The following C12orf56 variants were observed in gnomAD, a reference collection of about 807,000 sequenced individuals.
C12orf56 encodes the protein uncharacterized protein C12orf56.
In C12orf56, 71 loss-of-function variants were observed where a neutral mutation model predicts 69.9. That is an observed-to-expected ratio of 1.02 (90% CI 0.84 to 1.24). C12orf56 has a LOEUF of 1.24. Ranked by LOEUF, C12orf56 falls within the 50% of genes most tolerant of loss-of-function variation. The pLI, the probability that C12orf56 is intolerant of heterozygous loss-of-function variation, is 0.00. For synonymous variants in C12orf56, 276 were observed against 274.1 expected (o/e 1.01, Z -0.07); for missense variants, 732 against 738.5 (o/e 0.99, Z 0.10).
intron 3 of C12orf56, among the ~76,000 whole-genome samples, chr12:64,325,037 G>T (rs905919740): frequency 4.6e-5 from 7 of 152,122 alleles, no homozygotes; most frequent in African/African-American, 1.7e-4. Context: ...GGATTCCATA[G>T]CCTGGAGTAG....
At chr12:64,379,727 T>C (rs1276091157) in intron 1 of C12orf56, among the ~76,000 whole-genome samples, 3 of 151,610 alleles carry the variant, frequency 2.0e-5, no homozygotes, top group Non-Finnish European at 4.4e-5. Flanking sequence ...AGAAGAAAGC[T>C]GGAAAAGAAA....
intron 1 of C12orf56, among the ~76,000 whole-genome samples, chr12:64,368,054 C>T (rs1267690278): frequency 6.6e-6 from 1 of 151,610 alleles, no homozygotes; most frequent in African/African-American, 2.4e-5. Context: ...TTGATCCACC[C>T]GCCTCAGCCT....
intron 5 of C12orf56, among the ~76,000 whole-genome samples, chr12:64,308,967 G>GAAAGAAAGAAAGAAAGAAAGA (rs1565749107): frequency 8.5e-6 from 1 of 117,296 alleles, no homozygotes; most frequent in African/African-American, 3.2e-5. Context: ...AAGAAAGAAA[G>GAAAGAAAGAAAGAAAGAAAGA]AAAGAAAAGA....
At position 64,328,706 on chromosome 12, in the gene C12orf56, AATATATATATATATATAT is replaced by A. The variant is rs138783628; in HGVS notation, c.488+2236_488+2253del. Among the ~76,000 whole-genome samples the A allele has an allele frequency of 6.2e-3, 94 of 15,108 alleles. 9 individuals carry two copies. In the South Asian group the frequency reaches 0.086, roughly 14 times the overall value. The allele number at this position is 15,108 out of a possible 152,430, so 9.9% of individuals were successfully genotyped here. On this transcript the variant is annotated intron_variant, in intron 3 of 12. Transcript: ENST00000543942. ...AAAAAAAAAAAAAAAAAAAAAAAAA[AATATATATATATATATAT>A]ATATATATATATAGTATCACACTTT...
In C12orf56 at chr12:64,277,754, G is replaced by T. The variant is rs781683024; in HGVS notation, c.1360C>A (p.Pro454Thr). ...LVILISEPQI[P>T]KSCPVFDIQL... ...ATATCAAACACAGGACAAGATTTTG[G>T]AATCTGAGGCTCACTAATTAAAATT... Residue 454 changes from proline to threonine, a missense_variant, in exon 9 of 13, where the codon CCA becomes ACA. Coordinates refer to ENST00000543942, the MANE Select transcript of C12orf56 (RefSeq NM_001170633.2). The T allele has an allele frequency of 1.2e-5, 19 of 1,601,880 alleles. No homozygotes were observed. The highest frequency in any genetic ancestry group is 1.4e-5 in the Non-Finnish European group (17 of 1,172,974).
chr12:64,364,333 T>G (rs2039437473), intron 1 of C12orf56, among the ~76,000 whole-genome samples: 1 of 152,164 alleles, frequency 6.6e-6, no homozygotes, highest in African/African-American at 2.4e-5. Context: ...AAAAGTGTTT[T>G]TGCATGTCTG....
Position 64,274,892 on chromosome 12 carries a change from G to C in C12orf56, c.1584+9C>G, listed in dbSNP as rs2038030541. 6.3e-7 allele frequency: 1 copy of C among 1,597,364 alleles called. No homozygotes were observed. Among genetic ancestry groups the C allele is most frequent in the Non-Finnish European group, 8.6e-7 (1 of 1,165,384 alleles). ...GGGGGTGATTTCGTTTTGACTTCTA[G>C]ATACTTACGATGGGAGGACAGCTTT... On this transcript the variant is annotated intron_variant, in intron 11 of 12. Coordinates refer to ENST00000543942, the MANE Select transcript of C12orf56 (RefSeq NM_001170633.2).
intron 4 of C12orf56, among the ~76,000 whole-genome samples, chr12:64,317,588 CGTCT>C (rs1555189158): frequency 6.6e-6 from 1 of 151,936 alleles, no homozygotes; most frequent in Non-Finnish European, 1.5e-5. Flanking sequence ...GGCAAAACCC[CGTCT>C]CTACCAAAAA....
chr12:64,294,057 G>T (rs1252915779), intron 6 of C12orf56, among the ~76,000 whole-genome samples: 1 of 152,070 alleles, frequency 6.6e-6, no homozygotes. Context: ...GAAGATAGAT[G>T]AATGGCCAAT....
At chr12:64,286,760 A>C (rs1386163895) in intron 6 of C12orf56, among the ~76,000 whole-genome samples, 1 of 152,106 alleles carries the variant, frequency 6.6e-6, no homozygotes, top group Admixed American at 6.6e-5. Flanking sequence ...TTTTTTCCCC[A>C]GGATTTTGGT....
At position 64,353,052 on chromosome 12, in the gene C12orf56, T is replaced by C. The variant is rs774508655; in HGVS notation, c.257A>G (p.Asp86Gly). 1 of 1,610,136 alleles carries C rather than the reference T, an allele frequency of 6.2e-7. No individual in the cohort carries two copies. The highest frequency in any genetic ancestry group is 1.7e-5 in the Admixed American group (1 of 58,894). ...LRDVVAIDLI[D>G]DYPEFLSSPD... is the part of the protein sequence containing the mutation. The stretch of plus-strand genomic sequence containing the variant: ...CGAACTCAAAAATTCCGGGTAATCA[T>C]CAATCTGGAAAAAAAATTAATTCAC... The change falls in exon 2 of 13, where the codon GAT becomes GGT. Residue 86 changes from aspartate to glycine, a missense_variant. Asp to Gly is a moderately conservative substitution (Grantham distance 94, BLOSUM62 -1). Coordinates refer to ENST00000543942, the MANE Select transcript of C12orf56 (RefSeq NM_001170633.2).
intron 5 of C12orf56, among the ~76,000 whole-genome samples, chr12:64,309,322 T>G (rs1480914999): frequency 1.3e-5 from 2 of 152,198 alleles, no homozygotes; most frequent in Non-Finnish European, 2.9e-5. Context: ...GAGACCTCTA[T>G]TCTATTTTCT....
intron 10 of C12orf56, 78 bp from the exon 11 acceptor site, chr12:64,275,053 C>T: frequency 2.3e-6 from 3 of 1,283,310 alleles, no homozygotes; most frequent in Admixed American, 1.9e-5. Context: ...TTCTTAAATA[C>T]ATTTTTATCC....
At chr12:64,362,345 C>A (rs1370688010) in intron 1 of C12orf56, among the ~76,000 whole-genome samples, 1 of 152,048 alleles carries the variant, frequency 6.6e-6, no homozygotes, top group Non-Finnish European at 1.5e-5. Flanking sequence ...GGATCAGGCA[C>A]AAGAAAGAAT....
chr12:64,318,091 TC>T (rs1373212701), intron 4 of C12orf56, among the ~76,000 whole-genome samples: 1 of 152,068 alleles, frequency 6.6e-6, no homozygotes, highest in Non-Finnish European at 1.5e-5. Context: ...GATGGAGTCT[TC>T]CTCTGTCGCC....
At chr12:64,309,800 T>C (rs2038581257) in intron 5 of C12orf56, among the ~76,000 whole-genome samples, 1 of 151,874 alleles carries the variant, frequency 6.6e-6, no homozygotes, top group South Asian at 2.1e-4. Flanking sequence ...TGTGAGCCAC[T>C]GCACCCGGCT....
chr12:64,324,835 T>C (rs917230373), intron 3 of C12orf56, among the ~76,000 whole-genome samples: 3 of 152,156 alleles, frequency 2.0e-5, no homozygotes, highest in African/African-American at 7.2e-5. Flanking sequence ...TAGTGGAGTT[T>C]TGGCAGTGGA....
chr12:64,350,028 G>T (rs1241250781), intron 2 of C12orf56, among the ~76,000 whole-genome samples: 2 of 151,540 alleles, frequency 1.3e-5, no homozygotes, highest in Non-Finnish European at 2.9e-5. Flanking sequence ...GGAGGTGGAG[G>T]TTGCAGTGAG....
At chr12:64,306,609 T>A (rs2038516922) in intron 5 of C12orf56, among the ~76,000 whole-genome samples, 1 of 152,088 alleles carries the variant, frequency 6.6e-6, no homozygotes, top group Non-Finnish European at 1.5e-5. Flanking sequence ...CCTCAAGTAA[T>A]CCGCCCACCT....
Sources: gnomAD v4.1 joint callset for allele counts (sites outside exome capture counted in the v4.1 genomes callset) on GRCh38, gnomAD v4.1.1 for gene constraint, MANE v1.5 for transcripts, NCBI Gene and HGNC (gene_info 2026-07-23, HGNC 2026-07-21) for gene names.